ZNF277: variants seen among roughly 807,000 people sequenced by gnomAD.
ZNF277 encodes the protein nuclear receptor-interacting factor 4.
ZNF277 carries 55 observed loss-of-function variants against 60.7 expected under a neutral mutation model. The observed-to-expected ratio is 0.91, with a 90% CI of 0.73 to 1.13. The LOEUF is 1.13. Among genes scored for constraint, ZNF277 ranks in the 50% most tolerant of loss-of-function variants. The pLI, the probability that ZNF277 is intolerant of heterozygous loss-of-function variation, is 0.00. For missense variants in ZNF277, 510 were observed against 523.0 expected (o/e 0.98, Z 0.24); for synonymous variants, 178 against 179.3 (o/e 0.99, Z 0.06).
Position 112,341,175 on chromosome 7 carries a change from G to T in ZNF277, c.1184+129G>T, listed in dbSNP as rs545797227. 2.8e-5 allele frequency: 22 copies of T among 775,166 alleles called. No individual in the cohort carries two copies. The African/African-American group carries it at 3.8e-4, about 13-fold the overall frequency. The allele number at this position is 775,166 out of a possible 1,614,324, so 48.0% of individuals were successfully genotyped here. ...ATTATAAAAAGTATACATCAGTACA[G>T]TGTGGGGAAAAATGTAAAAATATTC... is the stretch of plus-strand genomic sequence containing the variant. On this transcript the variant is annotated intron_variant, in intron 11 of 11. Transcript: ENST00000361822.
chr7:112,258,545 C>A (rs1025226482), intron 1 of ZNF277, among the ~76,000 whole-genome samples: 1 of 152,128 alleles, frequency 6.6e-6, no homozygotes, highest in Non-Finnish European at 1.5e-5. Flanking sequence ...CTGTTCCTAG[C>A]ACTGTGCTAC....
At chr7:112,340,735 A>T (rs896811251) in intron 10 of ZNF277, 137 bp from the exon 11 acceptor site, 21 of 658,682 alleles carry the variant, frequency 3.2e-5, no homozygotes, top group Non-Finnish European at 5.2e-5. Flanking sequence ...ATTATTTGGT[A>T]TCTATTATTA....
chr7:112,337,595 G>C, intron 8 of ZNF277, 135 bp from the exon 9 acceptor site: 1 of 607,000 alleles, frequency 1.6e-6, no homozygotes, highest in Non-Finnish European at 2.8e-6. Flanking sequence ...TGATGTGACA[G>C]TCTTTACCAA....
intron 7 of ZNF277, among the ~76,000 whole-genome samples, chr7:112,332,202 A>G (rs965395246): frequency 3.9e-5 from 6 of 152,250 alleles, no homozygotes; most frequent in Admixed American, 1.3e-4. Context: ...TTACAACTTT[A>G]GAGTCATATT....
chr7:112,290,347 A>G (rs1054044688), intron 2 of ZNF277, among the ~76,000 whole-genome samples: 4 of 152,082 alleles, frequency 2.6e-5, no homozygotes, highest in Admixed American at 6.6e-5. Flanking sequence ...CAATCTCTCT[A>G]TTTGTATCAT....
chr7:112,257,230 C>T (rs1791334832), intron 1 of ZNF277, among the ~76,000 whole-genome samples: 1 of 152,196 alleles, frequency 6.6e-6, no homozygotes, highest in African/African-American at 2.4e-5. Flanking sequence ...TCTTGCTTCT[C>T]CTTGCCTTGT....
rs1792879705 is a variant in ZNF277, at chr7:112,318,067, C to G, written c.466-115C>G. ...ATGGAGAAATTTGAAATGTTGGCAA[C>G]TTTTATATACTCCCTTTATGCTTCC... On this transcript the variant is annotated intron_variant, in intron 4 of 11. Transcript: ENST00000361822. The G allele has an allele frequency of 7.8e-6, 6 of 773,296 alleles. No homozygotes were observed. The South Asian group carries it at 1.1e-4, about 14-fold the overall frequency. 47.9% of individuals were successfully genotyped at this position (773,296 alleles called of 1,614,324 possible).
intron 8 of ZNF277, among the ~76,000 whole-genome samples, chr7:112,337,101 C>A (rs1163716395): frequency 1.4e-4 from 22 of 152,164 alleles, no homozygotes. Context: ...GTCTCCACAA[C>A]TCTTCCCTCC....
intron 2 of ZNF277, among the ~76,000 whole-genome samples, chr7:112,291,122 G>A (rs1364670822): frequency 6.6e-6 from 1 of 152,088 alleles, no homozygotes; most frequent in East Asian, 1.9e-4. Context: ...TTTCCATTGA[G>A]TCCATTTAAC....
At chr7:112,285,172 G>A (rs1003503288) in intron 1 of ZNF277, among the ~76,000 whole-genome samples, 1 of 151,960 alleles carries the variant, frequency 6.6e-6, no homozygotes, top group Non-Finnish European at 1.5e-5. Flanking sequence ...TAGGACTACA[G>A]GTGTGCACCA....
chr7:112,227,852 C>G (rs1415402414), intron 1 of ZNF277, among the ~76,000 whole-genome samples: 1 of 151,792 alleles, frequency 6.6e-6, no homozygotes, highest in Non-Finnish European at 1.5e-5. Flanking sequence ...ATTTAGTTAT[C>G]TGGAGAAATC....
chr7:112,295,686 T>C (rs572705075), intron 2 of ZNF277, among the ~76,000 whole-genome samples, 183 bp from the exon 3 acceptor site: 1 of 152,286 alleles, frequency 6.6e-6, no homozygotes, highest in East Asian at 1.9e-4. Context: ...ATTAAATCTT[T>C]ATTTGATACT....
rs140756788 is a variant in ZNF277, at chr7:112,316,853, A to G, written c.466-1329A>G. Among the ~76,000 whole-genome samples the G allele has an allele frequency of 1.2e-3, 189 of 152,174 alleles. 1 individual carries two copies. The highest frequency in any genetic ancestry group is 4.2e-3 in the African/African-American group (174 of 41,540). On this transcript the variant is annotated intron_variant, in intron 4 of 11. Coordinates refer to ENST00000361822, the MANE Select transcript of ZNF277 (RefSeq NM_021994.3). ...TTCTACTATAAAGACACATGCACAC[A>G]TATGTTTACTGCAACACTATTCACA...
intron 9 of ZNF277, 66 bp downstream of exon 9, chr7:112,337,892 C>T (rs931830758): frequency 1.5e-6 from 2 of 1,301,798 alleles, no homozygotes; most frequent in African/African-American, 1.5e-5. Flanking sequence ...AATTGTTGCA[C>T]CCTCATCTGC....
intron 4 of ZNF277, among the ~76,000 whole-genome samples, chr7:112,299,601 T>C (rs1446481507): frequency 6.6e-6 from 1 of 152,234 alleles, no homozygotes; most frequent in East Asian, 1.9e-4. Context: ...CTTATGCTGC[T>C]ACTAATTATA....
chr7:112,343,787 A>G lies in ZNF277; in HGVS notation c.*1058A>G, dbSNP rs1793487393. 6.6e-6 allele frequency among the ~76,000 whole-genome samples: 1 copy of G among 152,020 alleles called. No individual in the cohort carries two copies. The stretch of plus-strand genomic sequence containing the variant: ...CGAAAAATACACAGATTAGCCAGGC[A>G]TGGTGGAATGCACCTATAGTCCCAG... On this transcript the variant is annotated 3_prime_UTR_variant, in exon 12 of 12. Coordinates refer to ENST00000361822, the MANE Select transcript of ZNF277 (RefSeq NM_021994.3).
At chr7:112,295,164 T>C (rs1295561781) in intron 2 of ZNF277, among the ~76,000 whole-genome samples, 1 of 152,192 alleles carries the variant, frequency 6.6e-6, no homozygotes, top group Non-Finnish European at 1.5e-5. Flanking sequence ...CCAATATAAA[T>C]CTTGTTAGAT....
In ZNF277 at chr7:112,343,730, A is replaced by G. The variant is rs1487775808; in HGVS notation, c.*1001A>G. On this transcript the variant is annotated 3_prime_UTR_variant, in exon 12 of 12. Transcript: ENST00000361822. ...CACATGAGGTCAGGAGTTCAAGATCAGCCTGGCCAACGTGGCAAAACCCCA... is the reference window on the plus strand; with the variant it reads ...CACATGAGGTCAGGAGTTCAAGATCGGCCTGGCCAACGTGGCAAAACCCCA... Among the ~76,000 whole-genome samples the G allele has an allele frequency of 2.0e-5, 3 of 152,094 alleles. No homozygotes were observed. Among genetic ancestry groups the G allele is most frequent in the African/African-American group, 4.8e-5 (2 of 41,404 alleles).
At chr7:112,227,576 C>T (rs767494246) in intron 1 of ZNF277, among the ~76,000 whole-genome samples, 1 of 152,186 alleles carries the variant, frequency 6.6e-6, no homozygotes, top group South Asian at 2.1e-4. Context: ...AATTAGGTTA[C>T]AGTTCACCAT....
Sources: gnomAD v4.1 joint callset for allele counts (sites outside exome capture counted in the v4.1 genomes callset) on GRCh38, gnomAD v4.1.1 for gene constraint, MANE v1.5 for transcripts, NCBI Gene and HGNC (gene_info 2026-07-23, HGNC 2026-07-21) for gene names.